FAM227B: variants seen among roughly 807,000 people sequenced by gnomAD.
FAM227B encodes protein FAM227B.
FAM227B carries 88 observed loss-of-function variants against 73.8 expected under a neutral mutation model. The observed-to-expected ratio is 1.19, with a 90% CI of 1.00 to 1.42. FAM227B has a LOEUF of 1.42. FAM227B is among the 40% of genes most tolerant of loss of function. The probability of loss-of-function intolerance (pLI) is 0.00; values close to 1 mark genes in which losing one functional copy is unlikely to be tolerated. For synonymous variants in FAM227B, 210 were observed against 190.5 expected (o/e 1.10, Z -0.84); for missense variants, 632 against 590.9 (o/e 1.07, Z -0.72).
chr15:49,554,946 C>T lies in FAM227B; in HGVS notation c.748-13140G>A, dbSNP rs118060816. Among the ~76,000 whole-genome samples, 175 of 152,182 alleles carry T rather than the reference C, an allele frequency of 1.1e-3. 1 individual carries two copies. In the East Asian group the frequency reaches 0.033, roughly 29 times the overall value. ...TCTGTTTGCTAGGTGGATTTTTCTC[C>T]ATCCCTTTACTTTGAGCCTGGGGGT... On this transcript the variant is annotated intron_variant, in intron 9 of 15. Coordinates refer to ENST00000299338, the MANE Select transcript of FAM227B (RefSeq NM_152647.3).
chr15:49,336,386 T>C (rs1217117192), intron 13 of FAM227B, among the ~76,000 whole-genome samples: 2 of 152,188 alleles, frequency 1.3e-5, no homozygotes, highest in Non-Finnish European at 2.9e-5. Flanking sequence ...TTGGCCAGTA[T>C]TGGCCAATAT....
intron 13 of FAM227B, among the ~76,000 whole-genome samples, chr15:49,360,859 A>T (rs909696596): frequency 1.3e-5 from 2 of 152,032 alleles, no homozygotes; most frequent in African/African-American, 2.4e-5. Context: ...AGACATAAGC[A>T]CTCCTGTGAT....
At chr15:49,529,090 G>A (rs547643729) in intron 10 of FAM227B, among the ~76,000 whole-genome samples, 6 of 151,744 alleles carry the variant, frequency 4.0e-5, no homozygotes, top group South Asian at 4.2e-4. Context: ...TCTATCAATG[G>A]ATGATCAGAT....
intron 10 of FAM227B, among the ~76,000 whole-genome samples, chr15:49,512,703 C>T (rs566155305): frequency 3.0e-4 from 45 of 151,978 alleles, no homozygotes; most frequent in East Asian, 1.2e-3. Context: ...GGTTTTAAGC[C>T]CTGCATGCAT....
chr15:49,523,338 T>G (rs1362525409), intron 10 of FAM227B, among the ~76,000 whole-genome samples: 1 of 152,144 alleles, frequency 6.6e-6, no homozygotes, highest in Non-Finnish European at 1.5e-5. Context: ...GGATGGTGAA[T>G]AAGTCTCACA....
chr15:49,610,893 AATGAG>A (rs1182561705), intron 3 of FAM227B, among the ~76,000 whole-genome samples: 2 of 152,212 alleles, frequency 1.3e-5, no homozygotes, highest in African/African-American at 2.4e-5. Context: ...TGCATAAATA[AATGAG>A]ATAAGTAAGC....
In FAM227B at chr15:49,396,764, C is replaced by A. The variant is rs1416357280; in HGVS notation, c.1013-25365G>T. On this transcript the variant is annotated intron_variant, in intron 11 of 15. Coordinates refer to ENST00000299338, the MANE Select transcript of FAM227B (RefSeq NM_152647.3). ...TGACACCTCACACGGCAGGGTACTC[C>A]AACAGACCTGCGGCTGAGGGTCCTG... Among the ~76,000 whole-genome samples the A allele has an allele frequency of 2.0e-5, 3 of 146,664 alleles. No individual in the cohort carries two copies. The South Asian group carries it at 6.5e-4, about 32-fold the overall frequency.
chr15:49,351,957 CTG>C (rs2042319487), intron 13 of FAM227B, among the ~76,000 whole-genome samples: 2 of 152,156 alleles, frequency 1.3e-5, no homozygotes, highest in African/African-American at 4.8e-5. Context: ...ATTATTACCT[CTG>C]TAGTTCTAGG....
At chr15:49,433,452 A>G (rs894659878) in intron 11 of FAM227B, among the ~76,000 whole-genome samples, 22 of 151,892 alleles carry the variant, frequency 1.4e-4, no homozygotes, top group Middle Eastern at 3.4e-3. Context: ...CCTTTAATTT[A>G]TTACACATTT....
chr15:49,422,410 A>C lies in FAM227B; in HGVS notation c.1013-51011T>G, dbSNP rs898346758. Reference sequence around the variant, plus strand: ...CAATACATATTATAATTCCATCTCTAAATTAACATTTATTGTTCCAATATT... The same window carrying C: ...CAATACATATTATAATTCCATCTCTCAATTAACATTTATTGTTCCAATATT... On this transcript the variant is annotated intron_variant, in intron 11 of 15. Transcript: ENST00000299338. The C allele has an allele frequency of 7.2e-6, 4 of 555,756 alleles. No individual in the cohort carries two copies. In the African/African-American group the frequency reaches 7.6e-5, roughly 11 times the overall value. 34.4% of individuals were successfully genotyped at this position (555,756 alleles called of 1,614,324 possible).
At chr15:49,594,098 A>AT (rs774962550) in intron 3 of FAM227B, among the ~76,000 whole-genome samples, 1 of 152,010 alleles carries the variant, frequency 6.6e-6, no homozygotes, top group Non-Finnish European at 1.5e-5. Flanking sequence ...ATTATATATA[A>AT]TTTTTTAATT....
chr15:49,596,519 C>A (rs377193838), intron 3 of FAM227B, among the ~76,000 whole-genome samples: 52 of 151,410 alleles, frequency 3.4e-4, no homozygotes, highest in African/African-American at 1.2e-3. Flanking sequence ...AATAGAACAT[C>A]CTTAAGGCAT....
chr15:49,496,691 G>C (rs1206332625), intron 11 of FAM227B, among the ~76,000 whole-genome samples: 1 of 151,992 alleles, frequency 6.6e-6, no homozygotes, highest in Non-Finnish European at 1.5e-5. Context: ...CTGGAAAAAA[G>C]TTAACTCCAC....
At chr15:49,586,156 C>T (rs2076149046) in intron 5 of FAM227B, among the ~76,000 whole-genome samples, 1 of 151,952 alleles carries the variant, frequency 6.6e-6, no homozygotes, top group Non-Finnish European at 1.5e-5. Flanking sequence ...GGGCTACAGC[C>T]ACCCAAACAG....
intron 11 of FAM227B, among the ~76,000 whole-genome samples, chr15:49,411,717 T>A (rs1373671536): frequency 6.6e-6 from 1 of 152,136 alleles, no homozygotes; most frequent in Non-Finnish European, 1.5e-5. Context: ...ATAAACCATG[T>A]ATTCTTAGCA....
intron 10 of FAM227B, among the ~76,000 whole-genome samples, chr15:49,535,172 G>A (rs982299494): frequency 6.6e-6 from 1 of 151,264 alleles, no homozygotes; most frequent in Non-Finnish European, 1.5e-5. Context: ...AAATAAAATG[G>A]ACAAACCTTT....
intron 10 of FAM227B, among the ~76,000 whole-genome samples, chr15:49,516,861 A>T (rs2059411610): frequency 6.6e-6 from 1 of 152,144 alleles, no homozygotes; most frequent in Non-Finnish European, 1.5e-5. Flanking sequence ...AGGCTCATTG[A>T]ATTCACAAGA....
intron 11 of FAM227B, among the ~76,000 whole-genome samples, chr15:49,430,401 T>C (rs1363870247): frequency 6.6e-6 from 1 of 151,726 alleles, no homozygotes; most frequent in Non-Finnish European, 1.5e-5. Context: ...GGATCTCACC[T>C]CTCATGGCCA....
chr15:49,553,813 C>A (rs916221183), intron 9 of FAM227B, among the ~76,000 whole-genome samples: 2 of 152,130 alleles, frequency 1.3e-5, no homozygotes, highest in African/African-American at 4.8e-5. Context: ...CTCTCTGGCC[C>A]AGGGCAGGTC....
Sources: allele counts gnomAD v4.1 joint callset (sites outside exome capture counted in the v4.1 genomes callset), GRCh38; gene constraint gnomAD v4.1.1; transcripts MANE v1.5; gene names NCBI Gene and HGNC (gene_info 2026-07-23, HGNC 2026-07-21).